ARPC5: variants seen among roughly 807,000 people sequenced by gnomAD.
ARPC5 encodes actin related protein 2/3 complex subunit 5.
ARPC5 carries 5 observed loss-of-function variants against 15.4 expected under a neutral mutation model. That is an observed-to-expected ratio of 0.32 (90% CI 0.17 to 0.68). ARPC5 has a LOEUF of 0.68. Ranked by LOEUF, ARPC5 falls within the 30% of genes least tolerant of loss-of-function variation. The pLI, the probability that ARPC5 is intolerant of heterozygous loss-of-function variation, is 0.71. For missense variants in ARPC5, 138 were observed against 192.8 expected, an observed-to-expected ratio of 0.72 and a Z score of 1.68; for synonymous variants, 85 against 72.2, an observed-to-expected ratio of 1.18 and a Z score of -0.90.
In ARPC5 at chr1:183,633,038, A is replaced by G. The variant is rs745494182; in HGVS notation, c.216+44T>C. ...GCAACTGCAGAGGATTTTACTAAGAATAAGATATCAGCAGAGATCACTGTG... is the reference window on the plus strand; with the variant it reads ...GCAACTGCAGAGGATTTTACTAAGAGTAAGATATCAGCAGAGATCACTGTG... On this transcript the variant is annotated intron_variant, in intron 2 of 3. Transcript: ENST00000359856. The G allele has an allele frequency of 2.8e-6, 4 of 1,417,120 alleles. No homozygotes were observed. In the Admixed American group the frequency reaches 6.4e-5, roughly 23 times the overall value. The allele number at this position is 1,417,120 out of a possible 1,614,324, so 87.8% of individuals were successfully genotyped here. A position where few individuals can be genotyped will look rare whatever the true frequency, so the allele number is the denominator to read the frequency against.
Position 183,635,706 on chromosome 1 carries a change from C to A in ARPC5, c.-47G>T, listed in dbSNP as rs1393193981. The stretch of plus-strand genomic sequence containing the variant: ...AGGCCTCTTCTTGGCGCTGCCTCTA[C>A]CTCAGCAAGCCCAGCCCAGCAACCC... On this transcript the variant is annotated 5_prime_UTR_variant, in exon 1 of 4. Transcript: ENST00000359856. 3 of 1,586,632 alleles carry A rather than the reference C, an allele frequency of 1.9e-6. No individual in the cohort carries two copies. Among genetic ancestry groups the A allele is most frequent in the Non-Finnish European group, 2.6e-6 (3 of 1,164,734 alleles).
chr1:183,627,899 C>A (rs775112126), intron 3 of ARPC5, among the ~76,000 whole-genome samples: 63 of 151,996 alleles, frequency 4.1e-4, no homozygotes, highest in Non-Finnish European at 8.4e-4. Context: ...ATAGGCCGGG[C>A]GCGGTGGCTC....
At chr1:183,631,754 G>A (rs1649274644) in intron 2 of ARPC5, 1 of 152,174 alleles carries the variant, frequency 6.6e-6, no homozygotes, top group South Asian at 2.1e-4. Flanking sequence ...ATTGACTGTA[G>A]ATATGAAATA....
chr1:183,623,266 T>A lies in ARPC5; in HGVS notation c.*4266A>T. 1.4e-6 allele frequency: 1 copy of A among 691,708 alleles called. No individual in the cohort carries two copies. The highest frequency in any genetic ancestry group is 2.6e-5 in the Admixed American group (1 of 37,894). The allele number at this position is 691,708 out of a possible 1,614,324, so 42.8% of individuals were successfully genotyped here. Reference sequence around the variant, plus strand: ...CAGAGAGAAATAAGAGATGTAAACATAGATTATTTATGTTGATTACTCTTA... The same window carrying A: ...CAGAGAGAAATAAGAGATGTAAACAAAGATTATTTATGTTGATTACTCTTA... On this transcript the variant is annotated 3_prime_UTR_variant, in exon 4 of 4. Coordinates refer to ENST00000359856, the MANE Select transcript of ARPC5 (RefSeq NM_005717.4).
At chr1:183,627,895 C>A (rs555927660) in intron 3 of ARPC5, among the ~76,000 whole-genome samples, 1 of 151,886 alleles carries the variant, frequency 6.6e-6, no homozygotes, top group Non-Finnish European at 1.5e-5. Flanking sequence ...CAGCATAGGC[C>A]GGGCGCGGTG....
chr1:183,630,178 G>C (rs1649222291), intron 3 of ARPC5: 1 of 253,988 alleles, frequency 3.9e-6, no homozygotes, highest in Non-Finnish European at 7.5e-6. Flanking sequence ...AAGAATTCTT[G>C]ATTTGTATTG....
In ARPC5 at chr1:183,621,134, C is replaced by T. The variant is rs1648921389; in HGVS notation, c.*6398G>A. 6.6e-6 allele frequency: 1 copy of T among 152,098 alleles called. No homozygotes were observed. Among genetic ancestry groups the T allele is most frequent in the Non-Finnish European group, 1.5e-5 (1 of 68,008 alleles). The allele number at this position is 152,098 out of a possible 1,614,324, so 9.4% of individuals were successfully genotyped here. A position where few individuals can be genotyped will look rare whatever the true frequency, so the allele number is the denominator to read the frequency against. On this transcript the variant is annotated 3_prime_UTR_variant, in exon 4 of 4. Transcript: ENST00000359856. ...GAAAAGATTAAAAAATGTTTTATGA[C>T]AAACACATAGAATAGGTAAAGGGGT... is the stretch of plus-strand genomic sequence containing the variant.
At chr1:183,628,645 G>A (rs1248334394) in intron 3 of ARPC5, among the ~76,000 whole-genome samples, 2 of 152,218 alleles carry the variant, frequency 1.3e-5, no homozygotes, top group African/African-American at 2.4e-5. Flanking sequence ...GCACCAGGGA[G>A]AGGCTTATAC....
chr1:183,632,023 G>A (rs908265556), intron 2 of ARPC5: 14 of 151,944 alleles, frequency 9.2e-5, no homozygotes, highest in African/African-American at 3.4e-4. Flanking sequence ...TTGCATCCAC[G>A]GTAAAAATGA....
Position 183,626,820 on chromosome 1 carries a change from C to G in ARPC5, c.*712G>C, listed in dbSNP as rs1236722740. 2 of 152,368 alleles carry G rather than the reference C, an allele frequency of 1.3e-5. No homozygotes were observed. Among genetic ancestry groups the G allele is most frequent in the East Asian group, 3.9e-4 (2 of 5,186 alleles). The allele number at this position is 152,368 out of a possible 1,614,324, so 9.4% of individuals were successfully genotyped here. On this transcript the variant is annotated 3_prime_UTR_variant, in exon 4 of 4. Coordinates refer to ENST00000359856, the MANE Select transcript of ARPC5 (RefSeq NM_005717.4). The stretch of plus-strand genomic sequence containing the variant: ...ATTAGTGGAACAAAAGTTTGATGTT[C>G]ATGCCCAACAAGCTCTGATATTTTA...
At position 183,623,527 on chromosome 1, in the gene ARPC5, G is replaced by A. The variant is rs1648995546; in HGVS notation, c.*4005C>T. The A allele has an allele frequency of 6.5e-7, 1 of 1,549,974 alleles. No homozygotes were observed. ...CACATATTGTACTAGTGACATTGGG[G>A]TGAGGGGGAGAGGGAGTGGGGCAGA... On this transcript the variant is annotated 3_prime_UTR_variant, in exon 4 of 4. Coordinates refer to ENST00000359856, the MANE Select transcript of ARPC5 (RefSeq NM_005717.4).
Position 183,627,146 on chromosome 1 carries a change from A to C in ARPC5, c.*386T>G, listed in dbSNP as rs1649127807. 1 of 163,088 alleles carries C rather than the reference A, an allele frequency of 6.1e-6. No individual in the cohort carries two copies. The highest frequency in any genetic ancestry group is 2.4e-5 in the African/African-American group (1 of 41,736). 10.1% of individuals were successfully genotyped at this position (163,088 alleles called of 1,614,324 possible). On this transcript the variant is annotated 3_prime_UTR_variant, in exon 4 of 4. Coordinates refer to ENST00000359856, the MANE Select transcript of ARPC5 (RefSeq NM_005717.4). The stretch of plus-strand genomic sequence containing the variant: ...TTTCCTGACTAGCAATGAGCTAGGA[A>C]ACTGGCCTCAAATTCTGACCAAATC...
chr1:183,635,543 C>G lies in ARPC5; in HGVS notation c.117G>C (p.Glu39Asp), dbSNP rs537318333. ...GCCGCAGGCAGGAGTCCACCTCGCC[C>G]TCGTCGGGCCCGGCCTGGCCGTCGC... ...DGGDGQAGPD[E>D]GEVDSCLRQG... Residue 39 changes from glutamate (E) to aspartate (D), a missense_variant, in exon 1 of 4, where the codon GAG (glutamate) becomes GAC (aspartate). Glu to Asp is a conservative substitution (Grantham distance 45). This residue lies in a region of ARPC5 where 121 missense variants were observed against 153.7 expected (regional missense o/e 0.79). Coordinates refer to ENST00000359856, the MANE Select transcript of ARPC5 (RefSeq NM_005717.4). 6.2e-7 allele frequency: 1 copy of G among 1,612,810 alleles called. No homozygotes were observed. Among genetic ancestry groups the G allele is most frequent in the Admixed American group, 1.7e-5 (1 of 59,892 alleles).
Position 183,635,369 on chromosome 1 carries a change from AGCGG to A in ARPC5, c.143+144_143+147del. 5.2e-6 allele frequency: 5 copies of A among 959,460 alleles called. 1 individual carries two copies. The East Asian group carries it at 1.5e-4, about 29-fold the overall frequency. The allele number at this position is 959,460 out of a possible 1,614,324, so 59.4% of individuals were successfully genotyped here. On this transcript the variant is annotated intron_variant, in intron 1 of 3. Transcript: ENST00000359856. The stretch of plus-strand genomic sequence containing the variant: ...GGGGGCTTCCCCCTTGCCCTCTCAG[AGCGG>A]GCGATCCCAAAGAGACAGGTTAAGC...
chr1:183,621,951 C>A lies in ARPC5; in HGVS notation c.*5581G>T. The A allele has an allele frequency of 6.6e-6, 1 of 152,358 alleles. No homozygotes were observed. Among genetic ancestry groups the A allele is most frequent in the South Asian group, 2.1e-4 (1 of 4,846 alleles). 9.4% of individuals were successfully genotyped at this position (152,358 alleles called of 1,614,324 possible). ...CATCTGGGAATGCAGCCCAGTAGGT[C>A]TCAGCCTTATTTTACCCAGCTTCTA... On this transcript the variant is annotated 3_prime_UTR_variant, in exon 4 of 4. Coordinates refer to ENST00000359856, the MANE Select transcript of ARPC5 (RefSeq NM_005717.4).
At chr1:183,628,857 T>G (rs979758442) in intron 3 of ARPC5, among the ~76,000 whole-genome samples, 3 of 152,206 alleles carry the variant, frequency 2.0e-5, no homozygotes, top group African/African-American at 7.2e-5. Context: ...AAGCTAGACT[T>G]GGGAACTTTG....
Position 183,621,744 on chromosome 1 carries a change from C to T in ARPC5, c.*5788G>A, listed in dbSNP as rs1391372507. On this transcript the variant is annotated 3_prime_UTR_variant, in exon 4 of 4. Coordinates refer to ENST00000359856, the MANE Select transcript of ARPC5 (RefSeq NM_005717.4). ...TGTTGCCATGGCATTTGTAAACTGT[C>T]ATGGTGCCGGTGGGAGCGTAGCGGT... The T allele has an allele frequency of 6.6e-6, 1 of 152,234 alleles. No homozygotes were observed. Among genetic ancestry groups the T allele is most frequent in the Non-Finnish European group, 1.5e-5 (1 of 68,058 alleles). 9.4% of individuals were successfully genotyped at this position (152,234 alleles called of 1,614,324 possible). A position where few individuals can be genotyped will look rare whatever the true frequency, so the allele number is the denominator to read the frequency against.
rs770484614 is a variant in ARPC5, at chr1:183,630,554, C to T, written c.300G>A (p.Lys100=). Residue 100 remains lysine, a synonymous_variant, in exon 3 of 4, where the codon AAG becomes AAA. Transcript: ENST00000359856. ...DIEKAVQSLD[K]NGVDLLMKYI... is the part of the protein sequence containing the mutation. ...ACTTCATTAGGAGATCCACACCATT[C>T]TTGTCCAGAGATTGAACTGCCTTTT... is the stretch of plus-strand genomic sequence containing the variant. 9.9e-6 allele frequency: 16 copies of T among 1,613,958 alleles called. No homozygotes were observed. The highest frequency in any genetic ancestry group is 2.2e-5 in the East Asian group (1 of 44,894).
chr1:183,623,535 G>A lies in ARPC5; in HGVS notation c.*3997C>T, dbSNP rs890057257. 7 of 1,549,444 alleles carry A rather than the reference G, an allele frequency of 4.5e-6. No homozygotes were observed. Among genetic ancestry groups the A allele is most frequent in the African/African-American group, 4.1e-5 (3 of 73,014 alleles). On this transcript the variant is annotated 3_prime_UTR_variant, in exon 4 of 4. Transcript: ENST00000359856. ...GTACTAGTGACATTGGGGTGAGGGGGAGAGGGAGTGGGGCAGAGGTCCCGC... is the reference window on the plus strand; with the variant it reads ...GTACTAGTGACATTGGGGTGAGGGGAAGAGGGAGTGGGGCAGAGGTCCCGC...
Sources: allele counts gnomAD v4.1 joint callset (sites outside exome capture counted in the v4.1 genomes callset), GRCh38; gene constraint gnomAD v4.1.1; regional missense constraint gnomAD v4.1.1; transcripts MANE v1.5; gene names NCBI Gene and HGNC (gene_info 2026-07-23, HGNC 2026-07-21).